Variants in HACD2 observed in about 807,000 individuals in gnomAD.
HACD2 encodes the protein very-long-chain (3R)-3-hydroxyacyl-CoA dehydratase 2.
A neutral mutation model predicts 31.0 loss-of-function variants in HACD2; 15 were observed. The observed-to-expected ratio is 0.48, with a 90% CI of 0.32 to 0.75. The LOEUF (loss-of-function observed/expected upper bound fraction) is 0.75. Among genes scored for constraint, HACD2 ranks in the 30% least tolerant of loss-of-function variants. The pLI is 0.03. For synonymous variants in HACD2, 115 were observed against 122.2 expected (o/e 0.94, Z 0.39); for missense variants, 283 against 313.0 (o/e 0.90, Z 0.72).
rs568767070 is a variant in HACD2, at chr3:123,558,588, T to A, written c.292+9174A>T. On this transcript the variant is annotated intron_variant, in intron 3 of 6. Coordinates refer to ENST00000383657, the MANE Select transcript of HACD2 (RefSeq NM_198402.5). Reference sequence around the variant, plus strand: ...CTGCTCTAAAAAAATAGCATATTTTTAAAAATTAATGGAAAGATGTTTACA... The same window carrying A: ...CTGCTCTAAAAAAATAGCATATTTTAAAAAATTAATGGAAAGATGTTTACA... Among the ~76,000 whole-genome samples the A allele has an allele frequency of 3.3e-5, 5 of 152,156 alleles. No homozygotes were observed. The East Asian group carries it at 7.7e-4, about 23-fold the overall frequency.
At chr3:123,498,580 G>A (rs1041693000) in intron 6 of HACD2, among the ~76,000 whole-genome samples, 1 of 152,172 alleles carries the variant, frequency 6.6e-6, no homozygotes, top group African/African-American at 2.4e-5. Context: ...AGGGATCTAG[G>A]TTATATGTTT....
At chr3:123,518,461 G>A (rs989758345) in intron 4 of HACD2, among the ~76,000 whole-genome samples, 2 of 152,166 alleles carry the variant, frequency 1.3e-5, no homozygotes, top group African/African-American at 2.4e-5. Flanking sequence ...GCTACAGATT[G>A]TAAAGTGCTA....
chr3:123,581,866 C>T (rs905244777), intron 2 of HACD2, among the ~76,000 whole-genome samples: 2 of 152,166 alleles, frequency 1.3e-5, no homozygotes, highest in Non-Finnish European at 2.9e-5. Context: ...TATCCTACAC[C>T]CACCAACTTC....
At chr3:123,580,953 C>G (rs2056959580) in intron 2 of HACD2, among the ~76,000 whole-genome samples, 1 of 149,250 alleles carries the variant, frequency 6.7e-6, no homozygotes, top group Non-Finnish European at 1.5e-5. Flanking sequence ...CTCCCAGTAG[C>G]TGGGACCACA....
Position 123,582,192 on chromosome 3 carries a change from C to A in HACD2, c.273+20G>T. The A allele has an allele frequency of 1.4e-6, 2 of 1,442,110 alleles. No individual in the cohort carries two copies. The highest frequency in any genetic ancestry group is 2.3e-5 in the East Asian group (1 of 43,062). The allele number at this position is 1,442,110 out of a possible 1,614,324, so 89.3% of individuals were successfully genotyped here. On this transcript the variant is annotated intron_variant, in intron 2 of 6. Coordinates refer to ENST00000383657, the MANE Select transcript of HACD2 (RefSeq NM_198402.5). ...TCATACCAATGGAAATCAATAACAA[C>A]AATAAATCTCAGGACCTACCTCCAA...
chr3:123,515,240 C>G (rs931829495), intron 4 of HACD2, among the ~76,000 whole-genome samples: 1 of 152,144 alleles, frequency 6.6e-6, no homozygotes, highest in Non-Finnish European at 1.5e-5. Context: ...ACTATCATCC[C>G]TCTGCCTTAG....
chr3:123,494,994 T>G, intron 6 of HACD2, 24 bp from the exon 7 acceptor site: 5 of 1,448,862 alleles, frequency 3.5e-6, no homozygotes, highest in Non-Finnish European at 4.7e-6. Flanking sequence ...AAAAATTGGT[T>G]AAGAGGATGG....
intron 3 of HACD2, among the ~76,000 whole-genome samples, chr3:123,553,612 A>G (rs898110023): frequency 4.6e-5 from 7 of 152,202 alleles, no homozygotes; most frequent in African/African-American, 1.7e-4. Flanking sequence ...ATAAGGCAGC[A>G]TTGATTCCCA....
At chr3:123,513,303 T>C (rs1001029421) in intron 4 of HACD2, among the ~76,000 whole-genome samples, 1 of 152,206 alleles carries the variant, frequency 6.6e-6, no homozygotes, top group Non-Finnish European at 1.5e-5. Context: ...AAATAGACAG[T>C]TGCCATTTGA....
rs370017115 is a variant in HACD2, at chr3:123,581,197, G to C, written c.273+1015C>G. ...GCCAGTAAAGTATAAATGTTATGATGGTCTTGCCTGGAGGCTAAGCAAAAT... is the reference window on the plus strand; with the variant it reads ...GCCAGTAAAGTATAAATGTTATGATCGTCTTGCCTGGAGGCTAAGCAAAAT... On this transcript the variant is annotated intron_variant, in intron 2 of 6. Transcript: ENST00000383657. 3.9e-5 allele frequency among the ~76,000 whole-genome samples: 6 copies of C among 152,122 alleles called. No homozygotes were observed. The East Asian group carries it at 7.7e-4, about 20-fold the overall frequency.
chr3:123,503,179 C>G lies in HACD2; in HGVS notation c.382-498G>C, dbSNP rs924886784. ...ACTCAGGAGGCTGAGGCAGGAGAGT[C>G]GCTTGAACCCGGGAGGCGGAGTTTG... is the stretch of plus-strand genomic sequence containing the variant. On this transcript the variant is annotated intron_variant, in intron 4 of 6. Coordinates refer to ENST00000383657, the MANE Select transcript of HACD2 (RefSeq NM_198402.5). 2.0e-5 allele frequency among the ~76,000 whole-genome samples: 3 copies of G among 151,450 alleles called. 1 individual carries two copies. In the South Asian group the frequency reaches 6.3e-4, roughly 32 times the overall value.
intron 3 of HACD2, among the ~76,000 whole-genome samples, chr3:123,530,113 G>T (rs913129345): frequency 6.6e-6 from 1 of 152,202 alleles, no homozygotes; most frequent in Admixed American, 6.5e-5. Context: ...CTGGGAGAGG[G>T]GGATTAATGA....
At chr3:123,529,123 C>A (rs1344799292) in intron 3 of HACD2, among the ~76,000 whole-genome samples, 4 of 151,952 alleles carry the variant, frequency 2.6e-5, no homozygotes, top group Non-Finnish European at 5.9e-5. Context: ...TTTTTTGAGA[C>A]CGAGTCTCAC....
intron 3 of HACD2, among the ~76,000 whole-genome samples, chr3:123,545,034 CAAAAAAAAAAA>C (rs71142743): frequency 6.6e-5 from 3 of 45,214 alleles, no homozygotes; most frequent in African/African-American, 1.8e-4. Flanking sequence ...GACCCTGCCT[CAAAAAAAAAAA>C]AAAAAAAAAA....
At chr3:123,545,139 GT>G (rs377625410) in intron 3 of HACD2, among the ~76,000 whole-genome samples, 1,428 of 132,286 alleles carry the variant, frequency 0.011, 13 homozygotes, top group African/African-American at 0.023. Flanking sequence ...GGTACTAGCT[GT>G]TTTTTTTTTT....
At chr3:123,517,812 T>A (rs989313985) in intron 4 of HACD2, among the ~76,000 whole-genome samples, 1 of 152,242 alleles carries the variant, frequency 6.6e-6, no homozygotes, top group Non-Finnish European at 1.5e-5. Flanking sequence ...AAAAAAGCTA[T>A]GAACACCATC....
At chr3:123,532,943 C>CATACAGGT (rs1267274149) in intron 3 of HACD2, among the ~76,000 whole-genome samples, 1 of 151,364 alleles carries the variant, frequency 6.6e-6, no homozygotes, top group African/African-American at 2.4e-5. Context: ...CAAAGCCTCT[C>CATACAGGT]ATACAGGTAG....
chr3:123,536,828 G>T (rs910461528), intron 3 of HACD2, among the ~76,000 whole-genome samples: 2 of 152,264 alleles, frequency 1.3e-5, no homozygotes, highest in South Asian at 2.1e-4. Context: ...TATGTTCGAG[G>T]ATATCATACC....
chr3:123,555,112 A>T (rs182814694), intron 3 of HACD2, among the ~76,000 whole-genome samples: 182 of 152,350 alleles, frequency 1.2e-3, no homozygotes, highest in African/African-American at 4.3e-3. Flanking sequence ...ATACCCTGAT[A>T]GTAAAAATGA....
Sources: allele counts gnomAD v4.1 joint callset (sites outside exome capture counted in the v4.1 genomes callset), GRCh38; gene constraint gnomAD v4.1.1; transcripts MANE v1.5; gene names NCBI Gene and HGNC (gene_info 2026-07-23, HGNC 2026-07-21).